NCK2: variants seen among roughly 807,000 people sequenced by gnomAD.
NCK2 encodes the protein cytoplasmic protein NCK2.
Under a neutral mutation model 33.9 loss-of-function variants are expected in NCK2, and 16 were observed. The ratio of observed to expected loss-of-function variants is 0.47; its 90% CI spans 0.32 to 0.72. The LOEUF (loss-of-function observed/expected upper bound fraction) is 0.72, where lower values mean the gene tolerates loss of function less well. Ranked by LOEUF, NCK2 falls within the 30% of genes least tolerant of loss-of-function variation. The pLI is 0.03. For missense variants in NCK2, 418 were observed against 537.3 expected, an observed-to-expected ratio of 0.78 and a Z score of 2.19; for synonymous variants, 273 against 239.9, an observed-to-expected ratio of 1.14 and a Z score of -1.27.
At chr2:105,762,527 A>T (rs977603397) in intron 1 of NCK2, among the ~76,000 whole-genome samples, 6 of 152,198 alleles carry the variant, frequency 3.9e-5, no homozygotes, top group South Asian at 2.1e-4. Context: ...GTCCTGAACC[A>T]TGGGCCTGTG....
chr2:105,746,775 T>C (rs1003132757), intron 1 of NCK2, among the ~76,000 whole-genome samples: 13 of 152,232 alleles, frequency 8.5e-5, no homozygotes, highest in African/African-American at 2.9e-4. Context: ...CAGTATATTC[T>C]GCCCTGGAGG....
intron 3 of NCK2, 22 bp downstream of exon 3, chr2:105,855,311 G>C: frequency 6.4e-7 from 1 of 1,551,064 alleles, no homozygotes; most frequent in Non-Finnish European, 8.8e-7. Context: ...ACCCTCGAGA[G>C]AGGAAGCCTT....
rs115295616 is a variant in NCK2, at chr2:105,840,323, G to A, written c.-16-14725G>A. Among the ~76,000 whole-genome samples the A allele has an allele frequency of 3.4e-3, 525 of 152,274 alleles. 3 individuals carry two copies. The highest frequency in any genetic ancestry group is 3.5e-3 in the Admixed American group (53 of 15,298). The stretch of plus-strand genomic sequence containing the variant: ...CCCAGACAGCTCACCCCTGTAACAC[G>A]TGGGACACATGGAGATGTTTTCTTC... On this transcript the variant is annotated intron_variant, in intron 2 of 4. Transcript: ENST00000233154.
intron 2 of NCK2, among the ~76,000 whole-genome samples, chr2:105,843,492 G>A (rs561818377): frequency 6.6e-6 from 1 of 152,094 alleles, no homozygotes; most frequent in African/African-American, 2.4e-5. Flanking sequence ...AATCAAGGCA[G>A]ATATACTGAT....
chr2:105,879,256 C>T (rs1455294252), intron 3 of NCK2, among the ~76,000 whole-genome samples: 1 of 152,232 alleles, frequency 6.6e-6, no homozygotes, highest in East Asian at 1.9e-4. Flanking sequence ...TTGGCCTCAG[C>T]GTAGCCCTCA....
intron 2 of NCK2, among the ~76,000 whole-genome samples, chr2:105,832,064 G>A (rs1345387995): frequency 6.6e-6 from 1 of 152,052 alleles, no homozygotes; most frequent in Non-Finnish European, 1.5e-5. Context: ...AGTTTTTAAT[G>A]TAGACATCTT....
intron 1 of NCK2, among the ~76,000 whole-genome samples, chr2:105,794,695 T>TTTTA (rs72401438): frequency 7.6e-4 from 113 of 148,240 alleles, no homozygotes; most frequent in African/African-American, 1.7e-3. Flanking sequence ...TAGTTTATTA[T>TTTTA]TTTATTTATT....
At chr2:105,808,524 G>A (rs1160123928) in intron 1 of NCK2, among the ~76,000 whole-genome samples, 2 of 152,126 alleles carry the variant, frequency 1.3e-5, no homozygotes, top group East Asian at 3.9e-4. Flanking sequence ...TCTTGAGAAA[G>A]GATCTTTCAT....
intron 3 of NCK2, among the ~76,000 whole-genome samples, chr2:105,861,513 C>CTTTT (rs35044148): frequency 8.7e-6 from 1 of 114,496 alleles, no homozygotes; most frequent in East Asian, 2.6e-4. Context: ...AGGTTTTTCT[C>CTTTT]TTTTTTTTTT....
chr2:105,854,874 A>G, intron 2 of NCK2, 174 bp from the exon 3 acceptor site: 1 of 565,830 alleles, frequency 1.8e-6, no homozygotes, highest in Non-Finnish European at 3.2e-6. Context: ...TCTAAACCAA[A>G]TACTAAAGCT....
chr2:105,804,109 C>CTCAGGATTTACTAAA (rs756789151), intron 1 of NCK2, among the ~76,000 whole-genome samples: 40 of 152,110 alleles, frequency 2.6e-4, no homozygotes, highest in Non-Finnish European at 5.6e-4. Context: ...AGTGGCGACT[C>CTCAGGATTTACTAAA]TCAGGATTTA....
intron 1 of NCK2, among the ~76,000 whole-genome samples, chr2:105,805,471 A>G (rs892258641): frequency 2.0e-5 from 3 of 152,250 alleles, no homozygotes; most frequent in East Asian, 1.9e-4. Flanking sequence ...TTTGTTTTCT[A>G]TAAGTTAAAT....
chr2:105,773,218 C>T (rs931888000), intron 1 of NCK2, among the ~76,000 whole-genome samples: 1 of 151,980 alleles, frequency 6.6e-6, no homozygotes, highest in Non-Finnish European at 1.5e-5. Flanking sequence ...ACCTTTTTGC[C>T]AGTGAGTGCC....
chr2:105,840,880 G>A (rs1310866169), intron 2 of NCK2, among the ~76,000 whole-genome samples: 3 of 151,938 alleles, frequency 2.0e-5, no homozygotes, highest in Non-Finnish European at 2.9e-5. Flanking sequence ...TTATGCATCA[G>A]CCAGGTCCCC....
chr2:105,881,458 G>T lies in NCK2; in HGVS notation c.357G>T (p.Lys119Asn). The T allele has an allele frequency of 6.2e-7, 1 of 1,613,818 alleles. No individual in the cohort carries two copies. Among genetic ancestry groups the T allele is most frequent in the Non-Finnish European group, 8.5e-7 (1 of 1,179,998 alleles). Residue 119 changes from lysine (K) to asparagine (N), a missense_variant, in exon 4 of 5, where the codon AAG (lysine) becomes AAT (asparagine). Coordinates refer to ENST00000233154, the MANE Select transcript of NCK2 (RefSeq NM_003581.5). ...IYDLNIPAFV[K>N]FAYVAEREDE... ...ACCTCAACATCCCGGCCTTCGTCAA[G>T]TTCGCCTATGTGGCCGAGCGGGAGG...
chr2:105,800,570 G>A (rs747585294), intron 1 of NCK2, among the ~76,000 whole-genome samples: 4 of 152,072 alleles, frequency 2.6e-5, no homozygotes, highest in Non-Finnish European at 4.4e-5. Context: ...CATAGAAGGC[G>A]GAAACCCAGC....
chr2:105,799,575 C>T (rs2104443516), intron 1 of NCK2, among the ~76,000 whole-genome samples: 1 of 152,276 alleles, frequency 6.6e-6, no homozygotes, highest in Non-Finnish European at 1.5e-5. Context: ...TGTCTATCTG[C>T]CACACCAAAC....
chr2:105,812,193 T>C (rs554576135), intron 1 of NCK2, among the ~76,000 whole-genome samples: 1 of 152,336 alleles, frequency 6.6e-6, no homozygotes, highest in South Asian at 2.1e-4. Context: ...GTGAGGCTTT[T>C]TGAAGCTGCT....
At chr2:105,766,171 G>A (rs1186838117) in intron 1 of NCK2, among the ~76,000 whole-genome samples, 1 of 152,142 alleles carries the variant, frequency 6.6e-6, no homozygotes, top group Non-Finnish European at 1.5e-5. Flanking sequence ...GGGAAGTGGG[G>A]CCTAGGAAGC....
Sources: allele counts gnomAD v4.1 joint callset (sites outside exome capture counted in the v4.1 genomes callset), GRCh38; gene constraint gnomAD v4.1.1; transcripts MANE v1.5; gene names NCBI Gene and HGNC (gene_info 2026-07-23, HGNC 2026-07-21).